The following FBXL2 variants were observed in gnomAD, a reference collection of about 807,000 sequenced individuals.
FBXL2 encodes F-box and leucine rich repeat protein 2, also known as F-box/LRR-repeat protein 2.
Under a neutral mutation model 69.2 loss-of-function variants are expected in FBXL2, and 38 were observed. The observed-to-expected ratio is 0.55, with a 90% CI of 0.42 to 0.72. The LOEUF is 0.72. FBXL2 is among the 30% of genes least tolerant of loss of function. The pLI is 0.00. For missense variants in FBXL2, 354 were observed against 520.3 expected (o/e 0.68, Z 3.11); for synonymous variants, 192 against 201.3 (o/e 0.95, Z 0.39).
chr3:33,323,299 T>G lies in FBXL2; in HGVS notation c.65+25574T>G, dbSNP rs188196752. 7.2e-5 allele frequency among the ~76,000 whole-genome samples: 11 copies of G among 152,310 alleles called. No individual in the cohort carries two copies. The East Asian group carries it at 1.3e-3, about 19-fold the overall frequency. ...TATCAGTTGACTTACAGTTTTAAAA[T>G]GAACCAAATCTTCCTTTTTTTATTA... On this transcript the variant is annotated intron_variant, in intron 2 of 14. Coordinates refer to ENST00000484457, the MANE Select transcript of FBXL2 (RefSeq NM_012157.5).
intron 2 of FBXL2, among the ~76,000 whole-genome samples, chr3:33,345,803 G>T (rs1218801352): frequency 6.6e-6 from 1 of 152,150 alleles, no homozygotes; most frequent in African/African-American, 2.4e-5. Context: ...ATGGGTCAAA[G>T]AAAAGGTCTT....
chr3:33,417,241 C>T, the FBXL2 span, among the ~76,000 whole-genome samples: 1 of 152,150 alleles, frequency 6.6e-6, no homozygotes, highest in African/African-American at 2.4e-5. Context: ...TTTTAGAACA[C>T]TCGCATCATC....
At chr3:33,314,897 A>T (rs1376213775) in intron 2 of FBXL2, among the ~76,000 whole-genome samples, 2 of 152,172 alleles carry the variant, frequency 1.3e-5, no homozygotes, top group East Asian at 1.9e-4. Flanking sequence ...ATTAATTTTT[A>T]AAAAATGTCT....
intron 2 of FBXL2, among the ~76,000 whole-genome samples, chr3:33,306,363 T>G (rs1411968398): frequency 6.6e-6 from 1 of 152,140 alleles, no homozygotes; most frequent in African/African-American, 2.4e-5. Flanking sequence ...ACTTTGCCAG[T>G]CACCAAAGAA....
chr3:33,365,228 C>A (rs2041874403), intron 5 of FBXL2, among the ~76,000 whole-genome samples: 1 of 151,688 alleles, frequency 6.6e-6, no homozygotes, highest in African/African-American at 2.4e-5. Context: ...AGCAATATAT[C>A]CTATACAACC....
At chr3:33,298,368 A>T (rs2035934876) in intron 2 of FBXL2, among the ~76,000 whole-genome samples, 1 of 152,198 alleles carries the variant, frequency 6.6e-6, no homozygotes, top group Non-Finnish European at 1.5e-5. Context: ...TTATGCAATC[A>T]TCAAAAGAAA....
At chr3:33,291,298 A>G (rs533691969) in intron 1 of FBXL2, among the ~76,000 whole-genome samples, 14 of 152,294 alleles carry the variant, frequency 9.2e-5, no homozygotes, top group African/African-American at 3.4e-4. Flanking sequence ...CAATATTCAA[A>G]AGTGAAGGAG....
At chr3:33,311,805 T>C (rs745509279) in intron 2 of FBXL2, among the ~76,000 whole-genome samples, 46 of 152,204 alleles carry the variant, frequency 3.0e-4, no homozygotes, top group Middle Eastern at 3.4e-3. Context: ...TTTTGTATTT[T>C]AGTAGAGACG....
chr3:33,397,361 A>C, intron 12 of FBXL2: 1 of 369,826 alleles, frequency 2.7e-6, no homozygotes, highest in South Asian at 7.3e-5. Flanking sequence ...AGAAGTCCTG[A>C]GGCTGATGAA....
the FBXL2 span, among the ~76,000 whole-genome samples, chr3:33,410,016 C>T: frequency 6.6e-6 from 1 of 152,188 alleles, no homozygotes; most frequent in African/African-American, 2.4e-5. Context: ...CCCTCTACTG[C>T]CATTACCCCT....
At chr3:33,411,072 CAA>C in the FBXL2 span, among the ~76,000 whole-genome samples, 13 of 65,512 alleles carry the variant, frequency 2.0e-4, no homozygotes, top group Non-Finnish European at 2.2e-4. Context: ...AACTCCATCT[CAA>C]AAAAAAAAAA....
At chr3:33,367,716 T>A (rs1436825992) in intron 5 of FBXL2, among the ~76,000 whole-genome samples, 1 of 152,106 alleles carries the variant, frequency 6.6e-6, no homozygotes, top group Non-Finnish European at 1.5e-5. Context: ...TTATTTCCAC[T>A]CTGATCTTTA....
downstream of FBXL2, chr3:33,390,613 T>C (rs1168854444): frequency 5.5e-6 from 3 of 549,480 alleles, no homozygotes; most frequent in Non-Finnish European, 9.8e-6. Flanking sequence ...TCCAACACTG[T>C]CTGCCAGTTC....
intron 1 of FBXL2, among the ~76,000 whole-genome samples, chr3:33,286,643 C>G (rs1203900566): frequency 2.0e-5 from 3 of 152,250 alleles, no homozygotes; most frequent in African/African-American, 7.2e-5. Context: ...GAGGTGGAGT[C>G]TACAGAGGCG....
chr3:33,417,301 C>T, the FBXL2 span, among the ~76,000 whole-genome samples: 1 of 151,454 alleles, frequency 6.6e-6, no homozygotes, highest in African/African-American at 2.4e-5. Context: ...CCACCCCCCA[C>T]CTGGCCAACT....
At chr3:33,360,186 C>T (rs572250577) in intron 4 of FBXL2, among the ~76,000 whole-genome samples, 3 of 152,084 alleles carry the variant, frequency 2.0e-5, no homozygotes, top group Non-Finnish European at 2.9e-5. Flanking sequence ...AGTATGTTTG[C>T]TATGTGTTTT....
At chr3:33,339,225 T>A (rs1469564946) in intron 2 of FBXL2, among the ~76,000 whole-genome samples, 1 of 152,052 alleles carries the variant, frequency 6.6e-6, no homozygotes, top group Non-Finnish European at 1.5e-5. Context: ...AAAACCACAA[T>A]GAGATACCAT....
chr3:33,380,197 T>G (rs2042941104), intron 13 of FBXL2, among the ~76,000 whole-genome samples: 1 of 144,498 alleles, frequency 6.9e-6, no homozygotes. Context: ...TGCACTCCAG[T>G]CTGGCGACAG....
intron 12 of FBXL2, among the ~76,000 whole-genome samples, chr3:33,395,898 C>A (rs2043973215): frequency 6.7e-6 from 1 of 149,288 alleles, no homozygotes; most frequent in African/African-American, 2.5e-5. Flanking sequence ...AGTTTTTCCA[C>A]TTGTTAGATA....
Sources: allele counts gnomAD v4.1 joint callset (sites outside exome capture counted in the v4.1 genomes callset), GRCh38; gene constraint gnomAD v4.1.1; transcripts MANE v1.5; gene names NCBI Gene and HGNC (gene_info 2026-07-23, HGNC 2026-07-21).